LPCAT3: variants seen among roughly 807,000 people sequenced by gnomAD.
The protein encoded by LPCAT3 is lysophosphatidylcholine acyltransferase 3.
A neutral mutation model predicts 63.4 loss-of-function variants in LPCAT3; 21 were observed. The ratio of observed to expected loss-of-function variants is 0.33; its 90% CI spans 0.23 to 0.48. The LOEUF (loss-of-function observed/expected upper bound fraction) is 0.48, where lower values mean the gene tolerates loss of function less well. Ranked by LOEUF, LPCAT3 falls within the 20% of genes least tolerant of loss-of-function variation. The pLI, the probability that LPCAT3 is intolerant of heterozygous loss-of-function variation, is 0.99. For missense variants in LPCAT3, 451 were observed against 590.6 expected (o/e 0.76, Z 2.45); for synonymous variants, 242 against 227.5 (o/e 1.06, Z -0.58).
chr12:6,988,214 T>C (rs1461101269), intron 1 of LPCAT3: 1 of 164,764 alleles, frequency 6.1e-6, no homozygotes, highest in Non-Finnish European at 1.3e-5. Context: ...ACAGGTGAGG[T>C]ATTGCACACT....
At chr12:6,992,205 G>A (rs1418996832) in intron 1 of LPCAT3, among the ~76,000 whole-genome samples, 4 of 151,898 alleles carry the variant, frequency 2.6e-5, no homozygotes, top group Admixed American at 6.6e-5. Context: ...GTGTGGTGGT[G>A]CACACCTGTA....
chr12:6,998,168 A>G (rs782545408), intron 1 of LPCAT3, among the ~76,000 whole-genome samples: 1 of 152,134 alleles, frequency 6.6e-6, no homozygotes, highest in East Asian at 1.9e-4. Context: ...GGAATGTACT[A>G]CCACATTCAG....
Position 6,977,934 on chromosome 12 carries a change from T to C in LPCAT3, c.1041-189A>G. 1.5e-6 allele frequency: 1 copy of C among 652,286 alleles called. No homozygotes were observed. The highest frequency in any genetic ancestry group is 2.6e-6 in the Non-Finnish European group (1 of 386,956). The allele number at this position is 652,286 out of a possible 1,614,324, so 40.4% of individuals were successfully genotyped here. A position where few individuals can be genotyped will look rare whatever the true frequency, so the allele number is the denominator to read the frequency against. ...ATGGAAAGCAGACCCAAGGCGGAGC[T>C]GGAGACCGTGTGCGCACGAGCCACT... is the stretch of plus-strand genomic sequence containing the variant. On this transcript the variant is annotated intron_variant, in intron 9 of 12. Coordinates refer to ENST00000261407, the MANE Select transcript of LPCAT3 (RefSeq NM_005768.6). The surrounding 1 kb of genome is among the most constrained non-coding windows in gnomAD (Gnocchi z 4.5).
intron 1 of LPCAT3, among the ~76,000 whole-genome samples, chr12:7,008,450 A>T (rs1555157014): frequency 3.3e-5 from 5 of 152,164 alleles, no homozygotes. Context: ...CAACTAGGGA[A>T]CCTAATTTTT....
In LPCAT3 at chr12:6,991,364, C is replaced by T. The variant is rs782150509; in HGVS notation, c.152-7825G>A. On this transcript the variant is annotated intron_variant, in intron 1 of 12. Transcript: ENST00000261407. ...GTTATAATAAAACCCATTGGCTTCTCTTGCACTTTGAATGGATATTTTACC... is the reference window on the plus strand; with the variant it reads ...GTTATAATAAAACCCATTGGCTTCTTTTGCACTTTGAATGGATATTTTACC... Among the ~76,000 whole-genome samples the T allele has an allele frequency of 1.1e-4, 16 of 152,336 alleles. No homozygotes were observed. The South Asian group carries it at 2.5e-3, about 24-fold the overall frequency.
chr12:7,001,664 A>G (rs1050986446), intron 1 of LPCAT3, among the ~76,000 whole-genome samples: 11 of 152,122 alleles, frequency 7.2e-5, no homozygotes, highest in African/African-American at 2.7e-4. Flanking sequence ...GGTACTTCGG[A>G]AACAAACTTT....
At chr12:6,990,937 G>GAAAA (rs1946584006) in intron 1 of LPCAT3, among the ~76,000 whole-genome samples, 1 of 138,874 alleles carries the variant, frequency 7.2e-6, no homozygotes, top group African/African-American at 2.7e-5. Context: ...AAAAAAGGAA[G>GAAAA]AAAATAAAAC....
intron 1 of LPCAT3, among the ~76,000 whole-genome samples, chr12:6,989,676 G>C (rs371250421): frequency 6.6e-6 from 1 of 152,150 alleles, no homozygotes; most frequent in African/African-American, 2.4e-5. Context: ...GTCAAGCACA[G>C]GGAGTGGATA....
intron 7 of LPCAT3, 30 bp from the exon 8 acceptor site, chr12:6,978,719 G>T: frequency 1.2e-6 from 2 of 1,611,976 alleles, no homozygotes; most frequent in Non-Finnish European, 1.7e-6. Context: ...GTGCATTAGG[G>T]ATATCACATG....
At chr12:6,989,311 G>A (rs1225171252) in intron 1 of LPCAT3, among the ~76,000 whole-genome samples, 1 of 143,752 alleles carries the variant, frequency 7.0e-6, no homozygotes, top group African/African-American at 2.7e-5. Flanking sequence ...TTCAAAATGC[G>A]TGTTTTTTTT....
intron 1 of LPCAT3, among the ~76,000 whole-genome samples, chr12:6,993,070 G>A (rs1204651718): frequency 6.6e-6 from 1 of 152,098 alleles, no homozygotes; most frequent in African/African-American, 2.4e-5. Context: ...CAGTTTCCTG[G>A]ATTTTTTTCT....
chr12:6,979,440 T>C (rs1946446677), intron 7 of LPCAT3, 31 bp downstream of exon 7: 1 of 1,499,220 alleles, frequency 6.7e-7, no homozygotes, highest in South Asian at 1.1e-5. Context: ...TCTGGTGCAG[T>C]CATGCTGCTG....
chr12:6,995,495 T>G (rs1357354574), intron 1 of LPCAT3, among the ~76,000 whole-genome samples: 1 of 151,860 alleles, frequency 6.6e-6, no homozygotes, highest in Non-Finnish European at 1.5e-5. Context: ...AAAAGTGTTT[T>G]CCTTCTTCAT....
intron 1 of LPCAT3, among the ~76,000 whole-genome samples, chr12:7,004,410 G>A (rs1555156737): frequency 6.6e-6 from 1 of 152,122 alleles, no homozygotes; most frequent in Non-Finnish European, 1.5e-5. Context: ...TTGATGAGTA[G>A]GTATCCTTAT....
chr12:6,999,294 T>TACAG (rs1386368558), intron 1 of LPCAT3, among the ~76,000 whole-genome samples: 1 of 152,192 alleles, frequency 6.6e-6, no homozygotes, highest in African/African-American at 2.4e-5. Context: ...ACAGCTGTGA[T>TACAG]ACAGGACTCA....
chr12:7,000,163 G>C (rs1255569138), intron 1 of LPCAT3, among the ~76,000 whole-genome samples: 1 of 151,526 alleles, frequency 6.6e-6, no homozygotes, highest in Non-Finnish European at 1.5e-5. Flanking sequence ...CTGGTGATCC[G>C]CCCGCCTCAG....
At chr12:7,010,015 A>G (rs1946751248) in intron 1 of LPCAT3, among the ~76,000 whole-genome samples, 1 of 152,192 alleles carries the variant, frequency 6.6e-6, no homozygotes, top group Admixed American at 6.6e-5. Context: ...AACTCTGGTA[A>G]TGAGCTTATG....
At chr12:6,998,457 C>G (rs782403602) in intron 1 of LPCAT3, among the ~76,000 whole-genome samples, 1 of 152,336 alleles carries the variant, frequency 6.6e-6, no homozygotes, top group South Asian at 2.1e-4. Context: ...CTTTTCTATT[C>G]TTTCACCAAA....
chr12:6,993,960 G>T (rs1946612021), intron 1 of LPCAT3, among the ~76,000 whole-genome samples: 1 of 152,036 alleles, frequency 6.6e-6, no homozygotes, highest in Non-Finnish European at 1.5e-5. Context: ...CAAACAACTG[G>T]GTTGTTTCCA....
Sources: gnomAD v4.1 joint callset for allele counts (sites outside exome capture counted in the v4.1 genomes callset) on GRCh38, gnomAD v4.1.1 for gene constraint, Gnocchi (gnomAD v3.1) non-coding constraint, MANE v1.5 for transcripts, NCBI Gene and HGNC (gene_info 2026-07-23, HGNC 2026-07-21) for gene names.